The following PTPRK variants were observed in gnomAD, a reference collection of about 807,000 sequenced individuals.
PTPRK encodes the protein protein tyrosine phosphatase receptor type K, also known as receptor-type tyrosine-protein phosphatase kappa.
In PTPRK, 75 loss-of-function variants were observed where a neutral mutation model predicts 178.0. That is an observed-to-expected ratio of 0.42 (90% CI 0.35 to 0.51). The LOEUF is 0.51. Ranked by LOEUF, PTPRK falls within the 20% of genes least tolerant of loss-of-function variation. The probability of loss-of-function intolerance (pLI) is 0.02; values close to 1 mark genes in which losing one functional copy is unlikely to be tolerated. For missense variants in PTPRK, 1,441 were observed against 1,797.8 expected, an observed-to-expected ratio of 0.80 and a Z score of 3.59; for synonymous variants, 637 against 620.6, an observed-to-expected ratio of 1.03 and a Z score of -0.39.
At chr6:128,485,018 C>G (rs1852608995) in intron 1 of PTPRK, among the ~76,000 whole-genome samples, 3 of 152,150 alleles carry the variant, frequency 2.0e-5, no homozygotes, top group South Asian at 4.2e-4. Context: ...GTCTCTGAAC[C>G]CACAATGAAA....
intron 1 of PTPRK, among the ~76,000 whole-genome samples, chr6:128,438,157 TTCGC>T (rs780007875): frequency 6.6e-6 from 1 of 152,236 alleles, no homozygotes; most frequent in East Asian, 1.9e-4. Context: ...TTGGGGCTGA[TTCGC>T]TCAGTCAAAC....
At chr6:128,281,171 G>A (rs1821613090) in intron 3 of PTPRK, among the ~76,000 whole-genome samples, 1 of 152,176 alleles carries the variant, frequency 6.6e-6, no homozygotes, top group South Asian at 2.1e-4. Context: ...GAACCCTGCA[G>A]AGCAGGTCAG....
At position 128,213,138 on chromosome 6, in the gene PTPRK, A is replaced by T. The variant is rs149342467; in HGVS notation, c.868+5784T>A. Among the ~76,000 whole-genome samples, 516 of 152,198 alleles carry T rather than the reference A, an allele frequency of 3.4e-3. 3 individuals are homozygous for T. Among genetic ancestry groups the T allele is most frequent in the African/African-American group, 0.012 (487 of 41,560 alleles). On this transcript the variant is annotated intron_variant, in intron 6 of 29. Coordinates refer to ENST00000368226, the MANE Select transcript of PTPRK (RefSeq NM_002844.4). ...TTAATGGACTATATGAACAATTCAA[A>T]TGAGTGTCTAGTTTCTGGTTGCACC...
At chr6:128,330,328 T>A (rs1830103114) in intron 2 of PTPRK, among the ~76,000 whole-genome samples, 1 of 152,180 alleles carries the variant, frequency 6.6e-6, no homozygotes, top group Admixed American at 6.6e-5. Flanking sequence ...TTACCCTCCT[T>A]TTCATATCGT....
intron 1 of PTPRK, among the ~76,000 whole-genome samples, chr6:128,455,172 T>C (rs1011207602): frequency 1.3e-5 from 2 of 152,168 alleles, no homozygotes; most frequent in African/African-American, 4.8e-5. Context: ...ATTCAGACTT[T>C]CAGTTAATTC....
At chr6:128,099,961 T>C (rs1437980149) in intron 7 of PTPRK, among the ~76,000 whole-genome samples, 1 of 152,032 alleles carries the variant, frequency 6.6e-6, no homozygotes, top group Non-Finnish European at 1.5e-5. Flanking sequence ...TAAAAGGAGA[T>C]ATATGGCCTG....
At chr6:128,140,946 A>G (rs577779434) in intron 7 of PTPRK, among the ~76,000 whole-genome samples, 2 of 152,100 alleles carry the variant, frequency 1.3e-5, no homozygotes, top group Non-Finnish European at 2.9e-5. Context: ...AGTACCATGT[A>G]TAAGGGAGAA....
chr6:128,064,905 A>G, intron 12 of PTPRK, 111 bp from the exon 13 acceptor site: 1 of 1,211,528 alleles, frequency 8.3e-7, no homozygotes, highest in South Asian at 2.6e-5. Flanking sequence ...AGGGATTATA[A>G]ACAACAGAAT....
intron 1 of PTPRK, among the ~76,000 whole-genome samples, chr6:128,500,371 G>GA (rs1455973101): frequency 6.6e-6 from 1 of 151,696 alleles, no homozygotes; most frequent in Non-Finnish European, 1.5e-5. Context: ...TTTGGGGGGG[G>GA]GAGTCTCATT....
chr6:128,396,151 T>C (rs1840269910), intron 2 of PTPRK, among the ~76,000 whole-genome samples: 1 of 151,798 alleles, frequency 6.6e-6, no homozygotes, highest in Non-Finnish European at 1.5e-5. Context: ...TCATTTCTAA[T>C]GGCTATGTCT....
chr6:128,479,533 C>G (rs1415923601), intron 1 of PTPRK, among the ~76,000 whole-genome samples: 1 of 152,008 alleles, frequency 6.6e-6, no homozygotes, highest in East Asian at 1.9e-4. Context: ...TTGTAGTAAA[C>G]AGATTGGGAG....
chr6:128,067,719 G>A lies in PTPRK; in HGVS notation c.1957C>T (p.Gln653Ter). 1 of 1,613,558 alleles carries A rather than the reference G, an allele frequency of 6.2e-7. No individual in the cohort carries two copies. Among genetic ancestry groups the A allele is most frequent in the Non-Finnish European group, 8.5e-7 (1 of 1,179,622 alleles). Reference protein sequence around the residue: ...KREAGAMECYQVPVTYQNAMS... With the variant: ...KREAGAMECY ...GCATTTTGGTATGTGACAGGAACCT[G>A]GTAGCATTCCATGGCTCCGGCTTCT... The change falls in exon 12 of 30, where the codon CAG becomes TAG. Residue 653 changes from glutamine to a stop codon, truncating the protein, a stop_gained. Transcript: ENST00000368226. LOFTEE classifies it high-confidence loss of function.
intron 1 of PTPRK, among the ~76,000 whole-genome samples, chr6:128,417,163 T>TC (rs1842945737): frequency 6.6e-6 from 1 of 151,990 alleles, no homozygotes; most frequent in South Asian, 2.1e-4. Flanking sequence ...TCCTTTTTTT[T>TC]CTTGAGCTAA....
chr6:128,384,014 AATTT>A (rs1838325604), intron 2 of PTPRK, among the ~76,000 whole-genome samples: 1 of 152,202 alleles, frequency 6.6e-6, no homozygotes, highest in African/African-American at 2.4e-5. Flanking sequence ...GCTATTATTG[AATTT>A]ATTTCTTAAA....
intron 25 of PTPRK, among the ~76,000 whole-genome samples, chr6:127,978,672 G>T (rs554984157): frequency 6.6e-6 from 1 of 152,326 alleles, no homozygotes; most frequent in South Asian, 2.1e-4. Context: ...AAAGCAGACT[G>T]ACGGCTATCT....
At chr6:128,289,208 A>C (rs1822986808) in intron 3 of PTPRK, among the ~76,000 whole-genome samples, 1 of 152,084 alleles carries the variant, frequency 6.6e-6, no homozygotes, top group African/African-American at 2.4e-5. Context: ...ATTCTTAAAG[A>C]CTCTGACATT....
At position 128,422,676 on chromosome 6, in the gene PTPRK, CAAAAA is replaced by C. The variant is rs750423577; in HGVS notation, c.101-24993_101-24989del. 2.6e-3 allele frequency among the ~76,000 whole-genome samples: 38 copies of C among 14,712 alleles called. 1 individual carries two copies. Among genetic ancestry groups the C allele is most frequent in the African/African-American group, 5.3e-3 (32 of 6,038 alleles). 9.7% of individuals were successfully genotyped at this position (14,712 alleles called of 152,430 possible). On this transcript the variant is annotated intron_variant, in intron 1 of 29. Transcript: ENST00000368226. ...AATAGTTTTTAACATTTCACGGACG[CAAAAA>C]AAAAAAAAAAAAAAAAAAAAAAACC... is the stretch of plus-strand genomic sequence containing the variant.
intron 3 of PTPRK, among the ~76,000 whole-genome samples, chr6:128,305,837 T>C (rs1292145136): frequency 6.6e-6 from 1 of 152,250 alleles, no homozygotes; most frequent in Non-Finnish European, 1.5e-5. Context: ...AATCCCTCAG[T>C]ATTTATTAAT....
At chr6:128,429,893 T>C (rs187509666) in intron 1 of PTPRK, among the ~76,000 whole-genome samples, 2 of 152,306 alleles carry the variant, frequency 1.3e-5, no homozygotes, top group Admixed American at 1.3e-4. Context: ...ATCAATGCAA[T>C]ATAAAGTTAA....
Sources: gnomAD v4.1 joint callset for allele counts (sites outside exome capture counted in the v4.1 genomes callset) on GRCh38, gnomAD v4.1.1 for gene constraint, MANE v1.5 for transcripts, NCBI Gene and HGNC (gene_info 2026-07-23, HGNC 2026-07-21) for gene names.